The following SYNE3 variants were observed in gnomAD, a reference collection of about 807,000 sequenced individuals.
SYNE3 encodes the protein nesprin-3.
SYNE3 carries 100 observed loss-of-function variants against 111.2 expected under a neutral mutation model. The observed-to-expected ratio is 0.90, with a 90% CI of 0.77 to 1.06. The LOEUF is 1.06. Among genes scored for constraint, SYNE3 ranks in the 50% least tolerant of loss-of-function variants. The probability of loss-of-function intolerance (pLI) is 0.00; values close to 1 mark genes in which losing one functional copy is unlikely to be tolerated. For synonymous variants in SYNE3, 547 were observed against 533.9 expected (o/e 1.02, Z -0.34); for missense variants, 1,160 against 1,240.3 (o/e 0.94, Z 0.97).
intron 2 of SYNE3, among the ~76,000 whole-genome samples, chr14:95,471,898 G>A (rs190502911): frequency 1.9e-3 from 296 of 152,322 alleles, no homozygotes; most frequent in South Asian, 6.0e-3. Flanking sequence ...GGAGGAATGG[G>A]GTTAATCAGG....
chr14:95,513,772 T>TATATATATATATA (rs56006428), intron 1 of SYNE3, among the ~76,000 whole-genome samples: 94 of 131,904 alleles, frequency 7.1e-4, no homozygotes, highest in African/African-American at 9.8e-4. Flanking sequence ...TATATATATA[T>TATATATATATATA]TCAGAATCCA....
chr14:95,464,659 T>A (rs1219838380), intron 4 of SYNE3, among the ~76,000 whole-genome samples: 2 of 152,070 alleles, frequency 1.3e-5, no homozygotes, highest in Non-Finnish European at 2.9e-5. Context: ...AAAATAGGAG[T>A]CGTGAAGATA....
rs1372546671 is a variant in SYNE3, at chr14:95,409,496, G to T, written c.*8330C>A. 2 of 413,358 alleles carry T rather than the reference G, an allele frequency of 4.8e-6. No individual in the cohort carries two copies. The highest frequency in any genetic ancestry group is 5.6e-5 in the Admixed American group (2 of 35,952). 25.6% of individuals were successfully genotyped at this position (413,358 alleles called of 1,614,324 possible). A position where few individuals can be genotyped will look rare whatever the true frequency, so the allele number is the denominator to read the frequency against. The stretch of plus-strand genomic sequence containing the variant: ...CCCAGGATCCTCGGGGGAAACCGAG[G>T]TCCCTCCTTATGATTGCTGTCTCTC... On this transcript the variant is annotated 3_prime_UTR_variant, in exon 18 of 18. Coordinates refer to ENST00000682763, the MANE Select transcript of SYNE3 (RefSeq NM_152592.6).
intron 4 of SYNE3, among the ~76,000 whole-genome samples, chr14:95,460,370 T>C (rs1332690425): frequency 6.0e-5 from 2 of 33,288 alleles, no homozygotes; most frequent in East Asian, 2.1e-3. Flanking sequence ...ATGCCTAGTT[T>C]TTTTTTTTTT....
intron 17 of SYNE3, among the ~76,000 whole-genome samples, chr14:95,427,948 G>A (rs181990292): frequency 6.6e-6 from 1 of 152,214 alleles, no homozygotes; most frequent in African/African-American, 2.4e-5. Context: ...ACTGAGATTT[G>A]GTATTACAGT....
rs999001553 is a variant in SYNE3, at chr14:95,467,509, C to G, written c.317+286G>C. Among the ~76,000 whole-genome samples, 3 of 152,210 alleles carry G rather than the reference C, an allele frequency of 2.0e-5. No homozygotes were observed. The East Asian group carries it at 5.8e-4, about 29-fold the overall frequency. On this transcript the variant is annotated intron_variant, in intron 3 of 17. Transcript: ENST00000682763. ...GCTACAGTGCTAGCAGGGCCCCAGG[C>G]CTTCTTTCTCCAGAGCCATTGTGCC...
chr14:95,420,136 G>C (rs1885033487), intron 17 of SYNE3, among the ~76,000 whole-genome samples: 2 of 145,440 alleles, frequency 1.4e-5, no homozygotes, highest in Non-Finnish European at 3.0e-5. Context: ...AAAACAGGCT[G>C]ATTATAACCA....
chr14:95,479,255 A>G (rs1024623235), intron 1 of SYNE3, among the ~76,000 whole-genome samples: 5 of 141,770 alleles, frequency 3.5e-5, no homozygotes, highest in African/African-American at 1.3e-4. Context: ...AAAAAAAATT[A>G]GCCAGGTGGA....
rs576419084 is a variant in SYNE3, at chr14:95,412,989, G to T, written c.*4837C>A. On this transcript the variant is annotated 3_prime_UTR_variant, in exon 18 of 18. Coordinates refer to ENST00000682763, the MANE Select transcript of SYNE3 (RefSeq NM_152592.6). ...CATAATCCCAGAATGAAGAGCCAGC[G>T]TTTGGGCAAAATAAATCCTATGGAA... 1 of 151,894 alleles carries T rather than the reference G, an allele frequency of 6.6e-6. No homozygotes were observed. The highest frequency in any genetic ancestry group is 1.5e-5 in the Non-Finnish European group (1 of 68,034). The allele number at this position is 151,894 out of a possible 1,614,324, so 9.4% of individuals were successfully genotyped here. A position where few individuals can be genotyped will look rare whatever the true frequency, so the allele number is the denominator to read the frequency against.
chr14:95,440,829 A>G (rs1254562763), intron 11 of SYNE3, among the ~76,000 whole-genome samples: 1 of 152,222 alleles, frequency 6.6e-6, no homozygotes, highest in Non-Finnish European at 1.5e-5. Context: ...GAGGCTGGTA[A>G]TATTCTGTGT....
intron 14 of SYNE3, 83 bp from the exon 15 acceptor site, chr14:95,437,064 G>C: frequency 6.3e-7 from 1 of 1,575,382 alleles, no homozygotes; most frequent in Non-Finnish European, 8.7e-7. Context: ...CTGAGGCAGA[G>C]GGGCAGGGAC....
At chr14:95,501,537 C>T (rs989769707) in intron 1 of SYNE3, among the ~76,000 whole-genome samples, 1 of 152,198 alleles carries the variant, frequency 6.6e-6, no homozygotes, top group African/African-American at 2.4e-5. Context: ...GCTCACAGCG[C>T]ATGCGGAAGA....
Position 95,426,938 on chromosome 14 carries a change from C to T in SYNE3, c.2727+5141G>A, listed in dbSNP as rs1255115691. Among the ~76,000 whole-genome samples, 6 of 70,886 alleles carry T rather than the reference C, an allele frequency of 8.5e-5. No individual in the cohort carries two copies. In the Admixed American group the frequency reaches 9.1e-4, roughly 11 times the overall value. 46.5% of individuals were successfully genotyped at this position (70,886 alleles called of 152,430 possible). A position where few individuals can be genotyped will look rare whatever the true frequency, so the allele number is the denominator to read the frequency against. On this transcript the variant is annotated intron_variant, in intron 17 of 17. Transcript: ENST00000682763. ...CAGCCTGGGTGACAAAGCAAGACTC[C>T]ATCTCAAAAAAAAAAAAAAAAAAAG...
chr14:95,424,718 C>A (rs553704773), intron 17 of SYNE3, among the ~76,000 whole-genome samples: 1 of 152,274 alleles, frequency 6.6e-6, no homozygotes, highest in East Asian at 1.9e-4. Context: ...GCAGGGAAAC[C>A]CAAACCAAGG....
rs999758920 is a variant in SYNE3 at position 95,514,335 on chromosome 14, C to T, written c.-15+2261G>A. Reference sequence around the variant, plus strand: ...TGGGTCAGCTGTTTGGGGTCAAGAGCCTCCTGCCCTCCCTGGGGCCAAGGG... The same window carrying T: ...TGGGTCAGCTGTTTGGGGTCAAGAGTCTCCTGCCCTCCCTGGGGCCAAGGG... On this transcript the variant is annotated intron_variant, in intron 1 of 17. Transcript: ENST00000682763. Among the ~76,000 whole-genome samples the T allele has an allele frequency of 2.0e-5, 3 of 152,172 alleles. No individual in the cohort carries two copies. In the South Asian group the frequency reaches 6.2e-4, roughly 32 times the overall value.
chr14:95,444,305 G>A (rs1191348623), intron 10 of SYNE3, 180 bp downstream of exon 10: 1 of 792,598 alleles, frequency 1.3e-6, no homozygotes, highest in African/African-American at 1.7e-5. Flanking sequence ...TTTGAGGTCA[G>A]GAACCATCAG....
chr14:95,465,016 A>G (rs1546991), intron 4 of SYNE3, among the ~76,000 whole-genome samples: 1 of 152,254 alleles, frequency 6.6e-6, no homozygotes, highest in African/African-American at 2.4e-5. Context: ...GAACCAAATA[A>G]AATTTCTAAC....
Position 95,436,930 on chromosome 14 carries a change from G to A in SYNE3, c.2428C>T (p.Leu810=). ...TGCAACCACTGCCCAAAGTTCCTCA[G>A]GAGCTGGGAGAAATCTTCATGGCTC... ...EGSHEDFSQL[L]RNFGQWLQVE... The change falls in exon 15 of 18, where the codon CTG becomes TTG. Residue 810 remains leucine, a synonymous_variant. Transcript: ENST00000682763. 6.2e-7 allele frequency: 1 copy of A among 1,614,066 alleles called. No homozygotes were observed. Among genetic ancestry groups the A allele is most frequent in the Non-Finnish European group, 8.5e-7 (1 of 1,180,024 alleles).
chr14:95,450,053 GCCACAGCT>G lies in SYNE3; in HGVS notation c.1319_1326del (p.Glu440AlafsTer92), dbSNP rs1886973959. The G allele has an allele frequency of 3.2e-6, 5 of 1,567,968 alleles. No individual in the cohort carries two copies. In the East Asian group the frequency reaches 1.2e-4, roughly 37 times the overall value. On this transcript the variant is annotated frameshift_variant, in exon 8 of 18. Transcript: ENST00000682763. LOFTEE classifies it high-confidence loss of function. ...TCCTGCAGAGGCCGCTGGAAATGCT[GCCACAGCT>G]CCACCGCCGCGGCATTGCGCAGCCT...
Sources: allele counts gnomAD v4.1 joint callset (sites outside exome capture counted in the v4.1 genomes callset), GRCh38; gene constraint gnomAD v4.1.1; transcripts MANE v1.5; gene names NCBI Gene and HGNC (gene_info 2026-07-23, HGNC 2026-07-21).